The following CCDC7 variants were observed in gnomAD, a reference collection of about 807,000 sequenced individuals.
CCDC7 encodes coiled-coil domain containing 7.
CCDC7 carries 183 observed loss-of-function variants against 196.9 expected under a neutral mutation model. That is an observed-to-expected ratio of 0.93 (90% confidence interval 0.82 to 1.05). The LOEUF (loss-of-function observed/expected upper bound fraction) is 1.05. Ranked by LOEUF, CCDC7 falls within the 50% of genes least tolerant of loss-of-function variation. CCDC7 has a pLI of 0.00. For missense variants in CCDC7, 1,540 were observed against 1,482.2 expected, an observed-to-expected ratio of 1.04 and a Z score of -0.64; for synonymous variants, 525 against 484.6, an observed-to-expected ratio of 1.08 and a Z score of -1.10.
chr10:32,528,258 CT>C (rs61234728), intron 11 of CCDC7, among the ~76,000 whole-genome samples: 20,260 of 148,618 alleles, frequency 0.14, 1,603 homozygotes, highest in African/African-American at 0.23. Context: ...TAGCACGTTT[CT>C]TTTTTTTTTA....
At chr10:32,835,803 A>C (rs780637225) in intron 33 of CCDC7, among the ~76,000 whole-genome samples, 28 of 152,250 alleles carry the variant, frequency 1.8e-4, no homozygotes, top group Non-Finnish European at 3.4e-4. Flanking sequence ...TACCTATGTA[A>C]CAAACTTACA....
chr10:32,559,591 A>G (rs975334929), intron 13 of CCDC7, among the ~76,000 whole-genome samples: 13 of 152,246 alleles, frequency 8.5e-5, no homozygotes, highest in Non-Finnish European at 1.3e-4. Context: ...GCAAACTCCA[A>G]CAGACCTGCA....
intron 25 of CCDC7, among the ~76,000 whole-genome samples, chr10:32,713,271 CTCGTCCTCATGTCAGGGATTGTGAGG>C (rs2081101483): frequency 6.6e-6 from 1 of 152,218 alleles, no homozygotes; most frequent in African/African-American, 2.4e-5. Context: ...TTGTTTCCTC[CTCGTCCTCATGTCAGGGATTGTGAGG>C]ATCACAGTAA....
intron 13 of CCDC7, among the ~76,000 whole-genome samples, chr10:32,564,418 T>C (rs2056396984): frequency 6.6e-6 from 1 of 152,180 alleles, no homozygotes; most frequent in Admixed American, 6.5e-5. Context: ...CCAACAACGA[T>C]AGACTGGATT....
chr10:32,565,632 C>T lies in CCDC7; in HGVS notation c.1197+12C>T. 1.2e-6 allele frequency: 2 copies of T among 1,604,176 alleles called. No homozygotes were observed. The highest frequency in any genetic ancestry group is 3.4e-5 in the Admixed American group (2 of 58,718). On this transcript the variant is annotated intron_variant, in intron 14 of 41. Coordinates refer to ENST00000639629, the Ensembl canonical transcript of CCDC7. ...AACAGGCTTTACAGGTAAAGGATGT[C>T]ATGTTTCTTTAACATTGTTAACAAG...
chr10:32,745,934 A>G (rs2074643452), intron 28 of CCDC7, among the ~76,000 whole-genome samples: 2 of 152,128 alleles, frequency 1.3e-5, no homozygotes, highest in Non-Finnish European at 2.9e-5. Flanking sequence ...GTATTTTGTC[A>G]GCTTTATACC....
intron 28 of CCDC7, among the ~76,000 whole-genome samples, chr10:32,757,360 C>T (rs1049376068): frequency 6.6e-6 from 1 of 152,192 alleles, no homozygotes; most frequent in African/African-American, 2.4e-5. Context: ...AAGCAAAGCA[C>T]TCCTCAGCAA....
At chr10:32,871,839 T>C (rs2094442541) in intron 41 of CCDC7, among the ~76,000 whole-genome samples, 1 of 152,208 alleles carries the variant, frequency 6.6e-6, no homozygotes, top group South Asian at 2.1e-4. Flanking sequence ...TCTTTATTTC[T>C]GCCTTCATTT....
intron 31 of CCDC7, among the ~76,000 whole-genome samples, chr10:32,822,920 C>T (rs1178423144): frequency 6.6e-6 from 1 of 152,090 alleles, no homozygotes; most frequent in Non-Finnish European, 1.5e-5. Flanking sequence ...ACTTTGTATT[C>T]GTAGTGTTTA....
At chr10:32,722,215 C>A (rs1001858983) in intron 25 of CCDC7, among the ~76,000 whole-genome samples, 2 of 152,056 alleles carry the variant, frequency 1.3e-5, no homozygotes, top group African/African-American at 4.8e-5. Context: ...CTAACTAGAG[C>A]AATTTTCTTT....
intron 9 of CCDC7, among the ~76,000 whole-genome samples, chr10:32,517,610 G>A (rs11008956): frequency 0.37 from 39,973 of 109,406 alleles, 8,696 homozygotes; most frequent in Non-Finnish European, 0.49. Context: ...ACACACCGGG[G>A]ACTGTTATGG....
chr10:32,868,038 T>G (rs1333887815), intron 41 of CCDC7, among the ~76,000 whole-genome samples: 1 of 151,992 alleles, frequency 6.6e-6, no homozygotes, highest in East Asian at 1.9e-4. Flanking sequence ...TGTGGCTGGC[T>G]TATTTCACTT....
At chr10:32,469,379 TCCCAGCAA>T (rs1314376314) in intron 5 of CCDC7, among the ~76,000 whole-genome samples, 1 of 152,194 alleles carries the variant, frequency 6.6e-6, no homozygotes, top group Non-Finnish European at 1.5e-5. Context: ...AATCATTCCC[TCCCAGCAA>T]CGCAGGGCTA....
At chr10:32,800,933 G>A (rs2084661896) in intron 29 of CCDC7, among the ~76,000 whole-genome samples, 1 of 152,188 alleles carries the variant, frequency 6.6e-6, no homozygotes, top group Non-Finnish European at 1.5e-5. Context: ...TGATTAATTA[G>A]CCAATGCCAG....
chr10:32,746,126 G>A (rs2074685594), intron 28 of CCDC7, among the ~76,000 whole-genome samples: 1 of 152,096 alleles, frequency 6.6e-6, no homozygotes, highest in Non-Finnish European at 1.5e-5. Flanking sequence ...CAAGAAGACG[G>A]ACACACTCTG....
chr10:32,507,775 A>C (rs141387754), intron 9 of CCDC7, among the ~76,000 whole-genome samples: 3 of 152,322 alleles, frequency 2.0e-5, no homozygotes, highest in Non-Finnish European at 4.4e-5. Context: ...GAAGGACAGT[A>C]ATCATATGAT....
At chr10:32,693,953 T>TGTGA (rs1218918211) in intron 23 of CCDC7, among the ~76,000 whole-genome samples, 1 of 152,140 alleles carries the variant, frequency 6.6e-6, no homozygotes, top group African/African-American at 2.4e-5. Flanking sequence ...CTGCAAAACA[T>TGTGA]GTGAATGAAT....
intron 29 of CCDC7, among the ~76,000 whole-genome samples, chr10:32,780,893 C>A (rs1204520330): frequency 1.3e-5 from 2 of 151,940 alleles, no homozygotes; most frequent in Non-Finnish European, 2.9e-5. Flanking sequence ...AAAAGATGCA[C>A]TTTAGATGAA....
At position 32,475,973 on chromosome 10, in the gene CCDC7, CA is replaced by C. The variant is rs1269722921; in HGVS notation, c.796+1951del. ...AGAGCTCCCATTAGTGCAGTCCCCC[CA>C]TTCCCGCATAAAGCTTCCCCTGTTA... On this transcript the variant is annotated intron_variant, in intron 8 of 41. Transcript: ENST00000639629. Among the ~76,000 whole-genome samples, 5 of 152,286 alleles carry C rather than the reference CA, an allele frequency of 3.3e-5. No individual in the cohort carries two copies. In the East Asian group the frequency reaches 9.7e-4, roughly 29 times the overall value.
Sources: gnomAD v4.1 joint callset for allele counts (sites outside exome capture counted in the v4.1 genomes callset) on GRCh38, gnomAD v4.1.1 for gene constraint, MANE v1.5 for transcripts, NCBI Gene and HGNC (gene_info 2026-07-23, HGNC 2026-07-21) for gene names.